TXNDC12: variants seen among roughly 807,000 people sequenced by gnomAD.
TXNDC12 encodes thioredoxin domain-containing protein 12.
TXNDC12 carries 22 observed loss-of-function variants against 24.2 expected under a neutral mutation model. The ratio of observed to expected loss-of-function variants is 0.91; its 90% confidence interval spans 0.65 to 1.30. TXNDC12 has a LOEUF of 1.30. TXNDC12 is among the 50% of genes most tolerant of loss of function. The pLI is 0.00. For missense variants in TXNDC12, 184 were observed against 205.8 expected (o/e 0.89, Z 0.65); for synonymous variants, 58 against 73.4 (o/e 0.79, Z 1.07).
chr1:52,049,071 G>A (rs1421271190), intron 1 of TXNDC12, among the ~76,000 whole-genome samples: 3 of 152,002 alleles, frequency 2.0e-5, no homozygotes, highest in African/African-American at 4.8e-5. Context: ...CAATCCAGCT[G>A]AGCTCAACTT....
intron 1 of TXNDC12, among the ~76,000 whole-genome samples, chr1:52,053,393 A>G (rs983093782): frequency 8.5e-5 from 13 of 152,284 alleles, no homozygotes; most frequent in African/African-American, 2.4e-4. Flanking sequence ...GGCTGGGCGC[A>G]GTGGCTCATG....
upstream of TXNDC12, chr1:52,055,653 G>A (rs767036047): frequency 1.9e-5 from 3 of 154,178 alleles, no homozygotes; most frequent in Non-Finnish European, 4.3e-5. Flanking sequence ...GACCTGGCAA[G>A]CCTGTTCTGC....
chr1:52,036,813 GT>G (rs1452884152), intron 2 of TXNDC12, among the ~76,000 whole-genome samples: 1 of 152,000 alleles, frequency 6.6e-6, no homozygotes, highest in Non-Finnish European at 1.5e-5. Context: ...CATTCCTCTG[GT>G]TTGGTGTCTA....
Position 52,055,179 on chromosome 1 carries a change from C to G in TXNDC12, c.-83G>C. 1.1e-6 allele frequency: 1 copy of G among 950,870 alleles called. No individual in the cohort carries two copies. The allele number at this position is 950,870 out of a possible 1,614,324, so 58.9% of individuals were successfully genotyped here. ...ACGGTCCACACAGTTCGCCGAGCGC[C>G]GCTCAGCACAACACCTCTACTTCCC... On this transcript the variant is annotated 5_prime_UTR_variant, in exon 1 of 7. Transcript: ENST00000371626.
chr1:52,043,847 C>CA (rs921385218), intron 1 of TXNDC12: 1 of 152,166 alleles, frequency 6.6e-6, no homozygotes, highest in African/African-American at 2.4e-5. Context: ...GAAATAAATT[C>CA]AAATCTAATT....
intron 2 of TXNDC12, among the ~76,000 whole-genome samples, chr1:52,038,917 T>C (rs1453311111): frequency 6.7e-6 from 1 of 149,804 alleles, no homozygotes; most frequent in African/African-American, 2.4e-5. Flanking sequence ...TTTTTTTTTT[T>C]TTACGCAATT....
chr1:52,051,585 G>A (rs987048085), intron 1 of TXNDC12, among the ~76,000 whole-genome samples: 4 of 152,108 alleles, frequency 2.6e-5, no homozygotes, highest in Non-Finnish European at 4.4e-5. Context: ...CGCCATGTTG[G>A]CCAGGCTGGT....
intron 1 of TXNDC12, 123 bp downstream of exon 1, chr1:52,054,877 A>G (rs1368570397): frequency 1.4e-6 from 1 of 689,788 alleles, no homozygotes; most frequent in African/African-American, 1.8e-5. Flanking sequence ...TGGGGAAGAT[A>G]AAAAGAAATC....
At position 52,054,992 on chromosome 1, in the gene TXNDC12, G is replaced by A. The variant is rs1049718179; in HGVS notation, c.97+8C>T. The A allele has an allele frequency of 3.1e-6, 5 of 1,603,534 alleles. No individual in the cohort carries two copies. Among genetic ancestry groups the A allele is most frequent in the South Asian group, 2.2e-5 (2 of 90,862 alleles). On this transcript the variant is annotated splice_region_variant and intron_variant, in intron 1 of 6. Coordinates refer to ENST00000371626, the MANE Select transcript of TXNDC12 (RefSeq NM_015913.4). The stretch of plus-strand genomic sequence containing the variant: ...ATCAGTAAAGAGAAGATAAGAACGC[G>A]GTCTGACCCTTTCCAAGCCCATTAT...
chr1:52,039,516 A>G (rs1685947302), intron 2 of TXNDC12, among the ~76,000 whole-genome samples: 1 of 152,042 alleles, frequency 6.6e-6, no homozygotes, highest in Non-Finnish European at 1.5e-5. Flanking sequence ...TTTTTAGTAG[A>G]GACAGGGTTT....
At chr1:52,055,193 C>T, upstream of TXNDC12, 1 of 776,836 alleles carries the variant, frequency 1.3e-6, no homozygotes, top group Non-Finnish European at 2.2e-6. Context: ...CAGCACAACA[C>T]CTCTACTTCC....
intron 2 of TXNDC12, chr1:52,030,590 G>A (rs748308308): frequency 6.6e-6 from 1 of 152,212 alleles, no homozygotes; most frequent in Non-Finnish European, 1.5e-5. Context: ...TACCTGATGA[G>A]CAAGGAATAT....
At chr1:52,030,789 T>C (rs1245249698) in intron 2 of TXNDC12, among the ~76,000 whole-genome samples, 1 of 152,234 alleles carries the variant, frequency 6.6e-6, no homozygotes, top group East Asian at 1.9e-4. Flanking sequence ...GTAGGGCCCA[T>C]GATATGCAAA....
At chr1:52,039,641 G>C (rs975526166) in intron 2 of TXNDC12, among the ~76,000 whole-genome samples, 6 of 152,026 alleles carry the variant, frequency 3.9e-5, no homozygotes, top group African/African-American at 1.4e-4. Context: ...GAGAAACTAC[G>C]TTATACTGCG....
Position 52,055,184 on chromosome 1 carries a change from A to G in TXNDC12, c.-88T>C. On this transcript the variant is annotated 5_prime_UTR_variant, in exon 1 of 7. Coordinates refer to ENST00000371626, the MANE Select transcript of TXNDC12 (RefSeq NM_015913.4). ...CCACACAGTTCGCCGAGCGCCGCTC[A>G]GCACAACACCTCTACTTCCCAGATT... The G allele has an allele frequency of 1.1e-6, 1 of 871,472 alleles. No homozygotes were observed. The highest frequency in any genetic ancestry group is 1.9e-6 in the Non-Finnish European group (1 of 525,134). The allele number at this position is 871,472 out of a possible 1,614,324, so 54.0% of individuals were successfully genotyped here. A position where few individuals can be genotyped will look rare whatever the true frequency, so the allele number is the denominator to read the frequency against.
At chr1:52,041,910 C>T (rs1167175058) in intron 1 of TXNDC12, among the ~76,000 whole-genome samples, 1 of 152,132 alleles carries the variant, frequency 6.6e-6, no homozygotes, top group Non-Finnish European at 1.5e-5. Context: ...CGAGAATTTC[C>T]CACAGAGTAA....
chr1:52,037,983 A>G (rs1402505700), intron 2 of TXNDC12, among the ~76,000 whole-genome samples: 7 of 151,756 alleles, frequency 4.6e-5, no homozygotes, highest in Admixed American at 3.9e-4. Flanking sequence ...GCTACAGTTC[A>G]GTGGTGCACT....
intron 1 of TXNDC12, among the ~76,000 whole-genome samples, chr1:52,050,313 A>G (rs1027625990): frequency 2.0e-5 from 3 of 152,236 alleles, no homozygotes; most frequent in Non-Finnish European, 2.9e-5. Flanking sequence ...ACCTGTGCCA[A>G]CATGGAACAT....
intron 2 of TXNDC12, chr1:52,030,693 T>C (rs1202667773): frequency 6.6e-6 from 1 of 152,218 alleles, no homozygotes; most frequent in Non-Finnish European, 1.5e-5. Context: ...TTCTCTTTTC[T>C]CCCTGGCAAA....
Sources: gnomAD v4.1 joint callset for allele counts (sites outside exome capture counted in the v4.1 genomes callset) on GRCh38, gnomAD v4.1.1 for gene constraint, MANE v1.5 for transcripts, NCBI Gene and HGNC (gene_info 2026-07-23, HGNC 2026-07-21) for gene names.